PRSS23: variants seen among roughly 807,000 people sequenced by gnomAD.
The protein encoded by PRSS23 is serine protease 23, also known as protease, serine 23.
PRSS23 carries 25 observed loss-of-function variants against 34.7 expected under a neutral mutation model. The ratio of observed to expected loss-of-function variants is 0.72; its 90% CI spans 0.53 to 1.01. The LOEUF is 1.01. Ranked by LOEUF, PRSS23 falls within the 50% of genes least tolerant of loss-of-function variation. PRSS23 has a pLI of 0.00. For synonymous variants in PRSS23, 176 were observed against 186.6 expected (o/e 0.94, Z 0.46); for missense variants, 445 against 475.6 (o/e 0.94, Z 0.60).
chr11:86,888,052 C>CA lies in PRSS23; in HGVS notation c.207-63153dup, dbSNP rs764502709. ...AGGTAACAAGAGTGAAACTCTGTCT[C>CA]AAAAAAAAAAACAAAAACAAAAACA... On this transcript the variant is annotated intron_variant, in intron 2 of 2. Transcript: ENST00000533902. 6.1e-3 allele frequency among the ~76,000 whole-genome samples: 672 copies of CA among 110,368 alleles called. 2 individuals are homozygous for CA. The highest frequency in any genetic ancestry group is 8.4e-3 in the Non-Finnish European group (452 of 53,700). 72.4% of individuals were successfully genotyped at this position (110,368 alleles called of 152,430 possible). A position where few individuals can be genotyped will look rare whatever the true frequency, so the allele number is the denominator to read the frequency against.
At chr11:86,823,186 A>C (rs1300575953) in intron 1 of PRSS23, 1 of 591,864 alleles carries the variant, frequency 1.7e-6, no homozygotes, top group East Asian at 2.8e-5. Context: ...AGGATGATAC[A>C]TACAATTTAT....
chr11:86,942,509 G>C (rs934046250), intron 2 of PRSS23, among the ~76,000 whole-genome samples: 1 of 152,202 alleles, frequency 6.6e-6, no homozygotes, highest in African/African-American at 2.4e-5. Flanking sequence ...TGATAATGCA[G>C]GCTTTCCATG....
At position 86,823,246 on chromosome 11, in the gene PRSS23, TA is replaced by T. The variant is rs11402135; in HGVS notation, c.-11-122del. On this transcript the variant is annotated intron_variant, in intron 1 of 2. Coordinates refer to the PRSS23 transcript ENST00000533902. ...GTATTCCTAATCTGTAAAAGCATCA[TA>T]AAAAAAAATGTATGATTAATCTCAT... 6.1e-4 allele frequency: 369 copies of T among 609,914 alleles called. 1 individual carries two copies. The highest frequency in any genetic ancestry group is 5.6e-3 in the South Asian group (284 of 51,050). 37.8% of individuals were successfully genotyped at this position (609,914 alleles called of 1,614,324 possible). A position where few individuals can be genotyped will look rare whatever the true frequency, so the allele number is the denominator to read the frequency against.
rs917226117 is a variant in PRSS23, at chr11:86,830,242, A to C, written c.206+6649A>C. Among the ~76,000 whole-genome samples the C allele has an allele frequency of 2.6e-5, 4 of 152,156 alleles. No homozygotes were observed. The East Asian group carries it at 7.7e-4, about 29-fold the overall frequency. ...CACTGCCACCTTGCAGTTTGATCTC[A>C]GACTGCTGTGCTAGCAATCAGCGAG... On this transcript the variant is annotated intron_variant, in intron 2 of 2. Coordinates refer to the PRSS23 transcript ENST00000533902.
chr11:86,806,481 T>C (rs1948102516), intron 1 of PRSS23, among the ~76,000 whole-genome samples: 1 of 152,242 alleles, frequency 6.6e-6, no homozygotes, highest in Admixed American at 6.5e-5. Flanking sequence ...TCACCTTTAC[T>C]AGGACTCCTA....
chr11:86,929,057 C>A (rs1279186864), intron 2 of PRSS23, among the ~76,000 whole-genome samples: 1 of 152,030 alleles, frequency 6.6e-6, no homozygotes. Flanking sequence ...TGCGGTGCCT[C>A]GTGCCTGTAA....
chr11:86,897,815 C>G (rs1204013069), intron 2 of PRSS23, among the ~76,000 whole-genome samples: 4 of 152,152 alleles, frequency 2.6e-5, no homozygotes, highest in Non-Finnish European at 5.9e-5. Flanking sequence ...AGAAAAAGAG[C>G]AGAATGGTTT....
chr11:86,887,696 G>A (rs947898085), intron 2 of PRSS23, among the ~76,000 whole-genome samples: 4 of 152,166 alleles, frequency 2.6e-5, no homozygotes, highest in African/African-American at 9.7e-5. Context: ...ATAGTCCGGT[G>A]TACTGGGAGT....
chr11:86,884,662 C>A (rs1434232681), intron 2 of PRSS23, among the ~76,000 whole-genome samples: 1 of 152,204 alleles, frequency 6.6e-6, no homozygotes, highest in Admixed American at 6.5e-5. Flanking sequence ...ATGGAACAAT[C>A]TCCAAATTGC....
chr11:86,906,827 A>C (rs1420157284), intron 2 of PRSS23, among the ~76,000 whole-genome samples: 1 of 152,158 alleles, frequency 6.6e-6, no homozygotes, highest in Non-Finnish European at 1.5e-5. Flanking sequence ...TCTCAGCCAC[A>C]ACCAGAGATG....
At chr11:86,854,620 T>A (rs1289311136) in intron 2 of PRSS23, among the ~76,000 whole-genome samples, 2 of 152,124 alleles carry the variant, frequency 1.3e-5, no homozygotes, top group East Asian at 3.8e-4. Context: ...GGCAGCGTTT[T>A]CATTTAGGCA....
At chr11:86,802,804 A>G (rs538143085) in intron 1 of PRSS23, among the ~76,000 whole-genome samples, 1 of 152,334 alleles carries the variant, frequency 6.6e-6, no homozygotes, top group African/African-American at 2.4e-5. Flanking sequence ...GGTGCCGTGC[A>G]GGAGACAGTA....
intron 2 of PRSS23, among the ~76,000 whole-genome samples, chr11:86,902,938 C>T (rs1948920770): frequency 6.6e-6 from 1 of 152,094 alleles, no homozygotes; most frequent in African/African-American, 2.4e-5. Flanking sequence ...GCTATCTAAC[C>T]TCTTCAGGCC....
At chr11:86,821,800 C>T (rs1307769696) in intron 1 of PRSS23, 8 of 815,924 alleles carry the variant, frequency 9.8e-6, no homozygotes, top group Non-Finnish European at 1.4e-5. Context: ...GCACGCTGCC[C>T]CCTCCGCCAT....
chr11:86,807,535 C>CA, intron 1 of PRSS23, 96 bp from the exon 2 acceptor site: 2 of 1,199,134 alleles, frequency 1.7e-6, no homozygotes, highest in South Asian at 1.5e-5. Flanking sequence ...TTCAAAGACT[C>CA]AGAAACAATG....
chr11:86,835,834 C>T (rs1948400763), intron 2 of PRSS23, among the ~76,000 whole-genome samples: 2 of 152,116 alleles, frequency 1.3e-5, no homozygotes, highest in Non-Finnish European at 1.5e-5. Flanking sequence ...GGCTTGATGG[C>T]ACAAGGTTTC....
chr11:86,899,183 T>A (rs1393833639), intron 2 of PRSS23, among the ~76,000 whole-genome samples: 1 of 152,062 alleles, frequency 6.6e-6, no homozygotes, highest in East Asian at 1.9e-4. Flanking sequence ...CATGGTGCAC[T>A]GCTAGGGGAG....
chr11:86,857,404 A>T, intron 2 of PRSS23: 1 of 302,508 alleles, frequency 3.3e-6, no homozygotes, highest in Non-Finnish European at 6.4e-6. Flanking sequence ...GATATCTAAA[A>T]TACATAATAT....
chr11:86,922,856 A>G (rs908842822), intron 2 of PRSS23, among the ~76,000 whole-genome samples: 5 of 152,270 alleles, frequency 3.3e-5, no homozygotes, highest in Admixed American at 1.3e-4. Flanking sequence ...CAGGTGCACA[A>G]AATGTTTGCT....
Sources: gnomAD v4.1 joint callset for allele counts (sites outside exome capture counted in the v4.1 genomes callset) on GRCh38, gnomAD v4.1.1 for gene constraint, MANE v1.5 for transcripts, NCBI Gene and HGNC (gene_info 2026-07-23, HGNC 2026-07-21) for gene names.